The following GPR15LG variants were observed in gnomAD, a reference collection of about 807,000 sequenced individuals.
The protein encoded by GPR15LG is G protein-coupled receptor 15 ligand, also known as protein GPR15LG.
At chr10:84,177,007 A>G in the GPR15LG span, among the ~76,000 whole-genome samples, 1 of 152,176 alleles carries the variant, frequency 6.6e-6, no homozygotes, top group Non-Finnish European at 1.5e-5. Flanking sequence ...GCTAAGGACC[A>G]AAGCTGCCTG....
chr10:84,179,805 A>T, the GPR15LG span, among the ~76,000 whole-genome samples: 114 of 151,936 alleles, frequency 7.5e-4, 1 homozygote, highest in African/African-American at 2.4e-3. Context: ...GGACAAAAAC[A>T]TCTTCAAAAA....
chr10:84,181,436 T>C, the GPR15LG span, among the ~76,000 whole-genome samples: 3 of 152,100 alleles, frequency 2.0e-5, no homozygotes, highest in Non-Finnish European at 4.4e-5. Flanking sequence ...TTTGTTGTTG[T>C]TTTTTAAGAA....
chr10:84,174,225 C>A, the GPR15LG span, among the ~76,000 whole-genome samples: 2 of 152,160 alleles, frequency 1.3e-5, no homozygotes, highest in Non-Finnish European at 2.9e-5. Flanking sequence ...TTAAGTCCTA[C>A]CTATCTAGAA....
At chr10:84,179,990 CA>C in the GPR15LG span, among the ~76,000 whole-genome samples, 1 of 150,816 alleles carries the variant, frequency 6.6e-6, no homozygotes, top group African/African-American at 2.4e-5. Context: ...AACATGTGAA[CA>C]AAGGTCTCTG....
chr10:84,176,166 G>T, the GPR15LG span, among the ~76,000 whole-genome samples: 3 of 152,176 alleles, frequency 2.0e-5, no homozygotes, highest in Non-Finnish European at 4.4e-5. Context: ...AGGATTACAG[G>T]CATGAGCCAC....
At chr10:84,177,785 G>C in the GPR15LG span, among the ~76,000 whole-genome samples, 1 of 152,192 alleles carries the variant, frequency 6.6e-6, no homozygotes, top group South Asian at 2.1e-4. Context: ...TGCTCCCCCA[G>C]GCCCCTGGTT....
At chr10:84,184,159 G>GAAA in the GPR15LG span, among the ~76,000 whole-genome samples, 2 of 138,568 alleles carry the variant, frequency 1.4e-5, no homozygotes, top group Non-Finnish European at 1.6e-5. Flanking sequence ...CATCTTTCTT[G>GAAA]AAAAAAAAAA....
chr10:84,182,706 A>C, the GPR15LG span, among the ~76,000 whole-genome samples: 2 of 152,200 alleles, frequency 1.3e-5, no homozygotes, highest in Non-Finnish European at 2.9e-5. Context: ...ACAAGTTGCA[A>C]GTCCAGTCCA....
At chr10:84,180,992 A>G in the GPR15LG span, among the ~76,000 whole-genome samples, 3 of 152,220 alleles carry the variant, frequency 2.0e-5, no homozygotes, top group African/African-American at 4.8e-5. Flanking sequence ...AGGCTGAGGC[A>G]GGAGAATCAG....
the GPR15LG span, among the ~76,000 whole-genome samples, chr10:84,176,777 AAGC>A: frequency 6.6e-6 from 1 of 152,228 alleles, no homozygotes; most frequent in Non-Finnish European, 1.5e-5. Context: ...CATGGAAAAA[AAGC>A]AGGATGCAAT....
At chr10:84,182,261 C>T in the GPR15LG span, among the ~76,000 whole-genome samples, 1 of 152,184 alleles carries the variant, frequency 6.6e-6, no homozygotes, top group South Asian at 2.1e-4. Context: ...CCCATCCTTC[C>T]CAGTGGCTCA....
chr10:84,174,028 G>A, the GPR15LG span: 1 of 842,920 alleles, frequency 1.2e-6, no homozygotes, highest in South Asian at 1.4e-5. Context: ...GCCTTGGCAG[G>A]CAGTCCTGAG....
the GPR15LG span, among the ~76,000 whole-genome samples, chr10:84,174,278 G>A: frequency 5.3e-5 from 8 of 152,262 alleles, no homozygotes; most frequent in East Asian, 1.4e-3. Context: ...GCTTGGAACA[G>A]AGTAAATTAG....
the GPR15LG span, among the ~76,000 whole-genome samples, chr10:84,174,320 C>A: frequency 6.6e-6 from 1 of 152,006 alleles, no homozygotes; most frequent in Non-Finnish European, 1.5e-5. Context: ...AATTAGTAGA[C>A]CATCTAAGTC....
At chr10:84,184,127 C>G in the GPR15LG span, among the ~76,000 whole-genome samples, 1 of 149,994 alleles carries the variant, frequency 6.7e-6, no homozygotes, top group Non-Finnish European at 1.5e-5. Context: ...CGTGACTAGC[C>G]TAGGCGACAT....
At chr10:84,182,744 C>T in the GPR15LG span, among the ~76,000 whole-genome samples, 1 of 152,182 alleles carries the variant, frequency 6.6e-6, no homozygotes, top group Non-Finnish European at 1.5e-5. Flanking sequence ...AATAGACTCC[C>T]TATCATGATG....
chr10:84,179,247 G>A, the GPR15LG span, among the ~76,000 whole-genome samples: 1 of 152,200 alleles, frequency 6.6e-6, no homozygotes, highest in Non-Finnish European at 1.5e-5. Context: ...GGACCATGAT[G>A]AGCCGTCGAT....
chr10:84,173,841 G>C, the GPR15LG span: 1 of 1,605,796 alleles, frequency 6.2e-7, no homozygotes, highest in Non-Finnish European at 8.5e-7. Context: ...GTGAAAATCT[G>C]CCTTCTCACC....
At chr10:84,184,053 C>T in the GPR15LG span, among the ~76,000 whole-genome samples, 1 of 151,450 alleles carries the variant, frequency 6.6e-6, no homozygotes, top group African/African-American at 2.4e-5. Context: ...GGCATGGTGG[C>T]TCATGCCTGT....
Sources: gnomAD v4.1 joint callset for allele counts (sites outside exome capture counted in the v4.1 genomes callset) on GRCh38, gnomAD v4.1.1 for gene constraint, MANE v1.5 for transcripts, NCBI Gene and HGNC (gene_info 2026-07-23, HGNC 2026-07-21) for gene names.